The following SLC45A2 variants were observed in gnomAD, a reference collection of about 807,000 sequenced individuals.
The protein encoded by SLC45A2 is membrane-associated transporter protein.
A neutral mutation model predicts 45.5 loss-of-function variants in SLC45A2; 36 were observed. The ratio of observed to expected loss-of-function variants is 0.79; its 90% CI spans 0.61 to 1.04. The LOEUF (loss-of-function observed/expected upper bound fraction) is 1.04, where lower values mean the gene tolerates loss of function less well. Ranked by LOEUF, SLC45A2 falls within the 50% of genes least tolerant of loss-of-function variation. The pLI is 0.00. For synonymous variants in SLC45A2, 306 were observed against 269.3 expected (o/e 1.14, Z -1.33); for missense variants, 719 against 671.0 (o/e 1.07, Z -0.79).
At chr5:33,956,885 G>T (rs1752293218) in intron 3 of SLC45A2, among the ~76,000 whole-genome samples, 1 of 152,032 alleles carries the variant, frequency 6.6e-6, no homozygotes, top group African/African-American at 2.4e-5. Context: ...GAACTCAATG[G>T]AGCTTACATT....
chr5:33,969,044 A>ACTCTCTCTCTCTCTCTCTCTCT (rs11272324), intron 2 of SLC45A2, among the ~76,000 whole-genome samples: 1,682 of 89,150 alleles, frequency 0.019, 110 homozygotes, highest in South Asian at 0.032. Context: ...AGTACCAGCT[A>ACTCTCTCTCTCTCTCTCTCTCT]CTCTCTCTCT....
intron 3 of SLC45A2, among the ~76,000 whole-genome samples, chr5:33,960,420 T>C (rs1444614262): frequency 2.0e-5 from 3 of 152,298 alleles, no homozygotes; most frequent in Admixed American, 6.5e-5. Context: ...GATGGAATAC[T>C]ACTCAGCCAT....
intron 5 of SLC45A2, among the ~76,000 whole-genome samples, chr5:33,950,234 T>G (rs528667790): frequency 6.6e-5 from 10 of 152,022 alleles, no homozygotes; most frequent in Non-Finnish European, 1.5e-4. Context: ...TAGTGGTAAA[T>G]AGTCCCCTCA....
intron 5 of SLC45A2, among the ~76,000 whole-genome samples, chr5:33,949,986 G>A (rs759936202): frequency 7.2e-5 from 11 of 151,916 alleles, no homozygotes; most frequent in East Asian, 5.8e-4. Flanking sequence ...CCAGGAGATC[G>A]AGACCAGCCT....
rs768464863 is a variant in SLC45A2, at chr5:33,984,531, T to C, written c.53A>G (p.Asp18Gly). 6.2e-7 allele frequency: 1 copy of C among 1,612,826 alleles called. No homozygotes were observed. The highest frequency in any genetic ancestry group is 8.5e-7 in the Non-Finnish European group (1 of 1,180,012). ...AGRHIYKSLA[D>G]DGPFDSVEPP... ...CTCCACAGAGTCAAAGGGGCCATCA[T>C]CAGCTAGGGATTTATAGATGTGGCG... The change falls in exon 1 of 7, where the codon GAT (aspartate) becomes GGT (glycine). Residue 18 changes from aspartate (D) to glycine (G), a missense_variant. Coordinates refer to ENST00000296589, the MANE Select transcript of SLC45A2 (RefSeq NM_016180.5).
chr5:33,950,911 C>T (rs1023222533), intron 5 of SLC45A2, among the ~76,000 whole-genome samples: 1 of 152,238 alleles, frequency 6.6e-6, no homozygotes, highest in Non-Finnish European at 1.5e-5. Flanking sequence ...AAGTACAATG[C>T]AGCCTGTGCA....
At chr5:33,980,716 G>A (rs959428510) in intron 2 of SLC45A2, among the ~76,000 whole-genome samples, 8 of 152,116 alleles carry the variant, frequency 5.3e-5, no homozygotes, top group African/African-American at 1.7e-4. Flanking sequence ...GAGAAGGAGA[G>A]AGAGAGACAG....
chr5:33,967,748 G>A (rs944911118), intron 2 of SLC45A2, among the ~76,000 whole-genome samples: 2 of 151,082 alleles, frequency 1.3e-5, no homozygotes, highest in African/African-American at 2.4e-5. Flanking sequence ...AGGTTAACCA[G>A]GTTCATATTT....
chr5:33,965,111 G>C (rs754637726), intron 2 of SLC45A2, among the ~76,000 whole-genome samples: 1 of 152,190 alleles, frequency 6.6e-6, no homozygotes, highest in Non-Finnish European at 1.5e-5. Flanking sequence ...AACTTATCTA[G>C]CTGAACAGAT....
chr5:33,945,523 G>A (rs1358430717), intron 6 of SLC45A2, among the ~76,000 whole-genome samples: 4 of 150,522 alleles, frequency 2.7e-5, no homozygotes, highest in Admixed American at 1.4e-4. Flanking sequence ...GTTGGGTATC[G>A]CTTATGTGCT....
chr5:33,944,737 C>T lies in SLC45A2; in HGVS notation c.1504G>A (p.Gly502Arg), dbSNP rs147355272. The change falls in exon 7 of 7, where the codon GGG becomes AGG. Residue 502 changes from glycine to arginine, a missense_variant. Transcript: ENST00000296589. ...GTGATCACCACGACGACAACGGTCCCGGCTGTGTTGACCAGAAAGCCCAGG... is the reference window on the plus strand; with the variant it reads ...GTGATCACCACGACGACAACGGTCCTGGCTGTGTTGACCAGAAAGCCCAGG... Reference protein sequence around the residue: ...GGLGFLVNTAGTVVVVVITAS... With the variant: ...GGLGFLVNTARTVVVVVITAS... 1.9e-5 allele frequency: 31 copies of T among 1,614,234 alleles called. No homozygotes were observed. The highest frequency in any genetic ancestry group is 2.1e-5 in the Non-Finnish European group (25 of 1,180,050).
chr5:33,974,789 CA>C (rs1412632312), intron 2 of SLC45A2, among the ~76,000 whole-genome samples: 2 of 152,108 alleles, frequency 1.3e-5, no homozygotes, highest in African/African-American at 4.8e-5. Context: ...ACTTTGAACA[CA>C]GGGAGAAAGA....
chr5:33,976,990 G>T (rs1752947366), intron 2 of SLC45A2, among the ~76,000 whole-genome samples: 1 of 152,126 alleles, frequency 6.6e-6, no homozygotes, highest in East Asian at 1.9e-4. Context: ...AACCCTCAAT[G>T]GGACTGTATT....
chr5:33,945,473 C>T (rs1252888333), intron 6 of SLC45A2, among the ~76,000 whole-genome samples: 1 of 152,016 alleles, frequency 6.6e-6, no homozygotes, highest in Non-Finnish European at 1.5e-5. Context: ...TTGGTTAATA[C>T]TTGATATTTC....
At chr5:33,969,065 C>CTCTCTCTCTCTG in intron 2 of SLC45A2, among the ~76,000 whole-genome samples, 3 of 102,460 alleles carry the variant, frequency 2.9e-5, no homozygotes, top group Non-Finnish European at 4.0e-5. Flanking sequence ...CTCTCTCTCT[C>CTCTCTCTCTCTG]TGTGTGTGTG....
intron 2 of SLC45A2, among the ~76,000 whole-genome samples, chr5:33,966,686 T>A (rs1307941344): frequency 6.6e-6 from 1 of 152,176 alleles, no homozygotes; most frequent in Non-Finnish European, 1.5e-5. Context: ...GAGTCATTAT[T>A]GGTGCTAGTT....
intron 2 of SLC45A2, among the ~76,000 whole-genome samples, chr5:33,964,272 C>T (rs933703070): frequency 2.0e-5 from 3 of 152,092 alleles, no homozygotes; most frequent in Admixed American, 2.0e-4. Context: ...AAAAGAGTAA[C>T]CTACTAGTAG....
At chr5:33,946,595 C>T in intron 6 of SLC45A2, 3 of 998,512 alleles carry the variant, frequency 3.0e-6, no homozygotes, top group East Asian at 1.1e-4. Context: ...ACAGGTCCCG[C>T]TCAGGGCAGC....
chr5:33,959,193 T>G (rs1053684965), intron 3 of SLC45A2, among the ~76,000 whole-genome samples: 1 of 152,188 alleles, frequency 6.6e-6, no homozygotes, highest in Non-Finnish European at 1.5e-5. Flanking sequence ...TTTTTTCCTC[T>G]ATGTTATGCA....
Sources: gnomAD v4.1 joint callset for allele counts (sites outside exome capture counted in the v4.1 genomes callset) on GRCh38, gnomAD v4.1.1 for gene constraint, MANE v1.5 for transcripts, NCBI Gene and HGNC (gene_info 2026-07-23, HGNC 2026-07-21) for gene names.